The following CCDC178 variants were observed in gnomAD, a reference collection of about 807,000 sequenced individuals.
The protein encoded by CCDC178 is coiled-coil domain containing 178.
In CCDC178, 126 loss-of-function variants were observed where a neutral mutation model predicts 117.4. That is an observed-to-expected ratio of 1.07 (90% CI 0.93 to 1.24). CCDC178 has a LOEUF of 1.24. CCDC178 is among the 50% of genes most tolerant of loss of function. The pLI is 0.00. For synonymous variants in CCDC178, 283 were observed against 313.4 expected, an observed-to-expected ratio of 0.90 and a Z score of 1.02; for missense variants, 1,030 against 986.9, an observed-to-expected ratio of 1.04 and a Z score of -0.59.
At chr18:33,198,158 G>T (rs1355037449) in intron 20 of CCDC178, among the ~76,000 whole-genome samples, 1 of 152,102 alleles carries the variant, frequency 6.6e-6, no homozygotes, top group Non-Finnish European at 1.5e-5. Context: ...GAGCATCAGG[G>T]CCACATTCAA....
At chr18:33,356,184 A>G in intron 7 of CCDC178, 140 bp downstream of exon 7, 1 of 831,664 alleles carries the variant, frequency 1.2e-6, no homozygotes, top group Non-Finnish European at 1.7e-6. Context: ...TTATATTTTA[A>G]AAAATATATT....
At chr18:33,183,908 G>C (rs552833289) in intron 20 of CCDC178, among the ~76,000 whole-genome samples, 1 of 152,164 alleles carries the variant, frequency 6.6e-6, no homozygotes, top group African/African-American at 2.4e-5. Context: ...ATTATCTGGG[G>C]AGATTCACAT....
At chr18:33,292,674 G>A (rs1470444769) in intron 12 of CCDC178, among the ~76,000 whole-genome samples, 1 of 151,932 alleles carries the variant, frequency 6.6e-6, no homozygotes, top group African/African-American at 2.4e-5. Flanking sequence ...TATTACACTA[G>A]ACCCCTTATA....
chr18:33,324,580 C>T lies in CCDC178; in HGVS notation c.880-947G>A, dbSNP rs140687385. ...GCCTATGTTCCAAAACTCTTTCCAGCATTTTATACTACTTTTTCCTAATAA... is the reference window on the plus strand; with the variant it reads ...GCCTATGTTCCAAAACTCTTTCCAGTATTTTATACTACTTTTTCCTAATAA... On this transcript the variant is annotated intron_variant, in intron 10 of 22. Transcript: ENST00000383096. Among the ~76,000 whole-genome samples, 168 of 152,008 alleles carry T rather than the reference C, an allele frequency of 1.1e-3. 1 individual carries two copies. The highest frequency in any genetic ancestry group is 3.8e-3 in the African/African-American group (159 of 41,526).
rs376362373 is a variant in CCDC178, at chr18:33,266,949, T to C, written c.1376A>G (p.Asp459Gly). ...GGTTTTTACTGTTATTTTGTTAATATCAATCTCAAGTTTTTTATTGTCTTC... is the reference window on the plus strand; with the variant it reads ...GGTTTTTACTGTTATTTTGTTAATACCAATCTCAAGTTTTTTATTGTCTTC... ...LTEDNKKLEI[D>G]INKITVKTNE... The change falls in exon 14 of 23, where the codon GAT becomes GGT. Residue 459 changes from aspartate to glycine, a missense_variant. Coordinates refer to ENST00000383096, the MANE Select transcript of CCDC178 (RefSeq NM_001105528.4). 66 of 1,587,426 alleles carry C rather than the reference T, an allele frequency of 4.2e-5. No individual in the cohort carries two copies. The African/African-American group carries it at 7.7e-4, about 18-fold the overall frequency.
intron 20 of CCDC178, among the ~76,000 whole-genome samples, chr18:33,139,031 T>C (rs1908944): frequency 0.061 from 9,212 of 151,892 alleles, 448 homozygotes; most frequent in African/African-American, 0.13. Context: ...TGGGAGGTAA[T>C]TGAATTATGG....
At chr18:33,148,054 T>G (rs2058292915) in intron 20 of CCDC178, among the ~76,000 whole-genome samples, 1 of 151,994 alleles carries the variant, frequency 6.6e-6, no homozygotes, top group African/African-American at 2.4e-5. Context: ...TCTCGGCACT[T>G]TGGGAGGCCA....
rs145861148 is a variant in CCDC178 at position 33,285,047 on chromosome 18, A to C, written c.1176+8112T>G. 9.3e-3 allele frequency among the ~76,000 whole-genome samples: 1,410 copies of C among 152,262 alleles called. 24 individuals carry two copies. The highest frequency in any genetic ancestry group is 0.032 in the African/African-American group (1,318 of 41,562). On this transcript the variant is annotated intron_variant, in intron 12 of 22. Coordinates refer to ENST00000383096, the MANE Select transcript of CCDC178 (RefSeq NM_001105528.4). ...TGTAACCATAAAAGTACATATTAAC[A>C]CATTAAAAGTTTGAAAATTCTAAAA...
intron 21 of CCDC178, among the ~76,000 whole-genome samples, chr18:32,991,830 C>T (rs913994275): frequency 1.3e-5 from 2 of 152,168 alleles, no homozygotes; most frequent in African/African-American, 4.8e-5. Flanking sequence ...ATTTCTATTT[C>T]ATATTTTAAT....
At chr18:33,433,010 CATT>C (rs2064242245) in intron 2 of CCDC178, among the ~76,000 whole-genome samples, 1 of 152,146 alleles carries the variant, frequency 6.6e-6, no homozygotes, top group South Asian at 2.1e-4. Flanking sequence ...TGTTTGTTAA[CATT>C]AGTTTAGAAA....
chr18:33,390,103 G>A (rs994385494), intron 4 of CCDC178, among the ~76,000 whole-genome samples: 1 of 149,944 alleles, frequency 6.7e-6, no homozygotes, highest in Non-Finnish European at 1.5e-5. Flanking sequence ...TATAAGTTAT[G>A]TATGATTTAT....
chr18:33,285,973 G>GT (rs1384208680), intron 12 of CCDC178, among the ~76,000 whole-genome samples: 1 of 62,714 alleles, frequency 1.6e-5, no homozygotes, highest in African/African-American at 4.9e-5. Context: ...TTAGCAATGT[G>GT]TATTTTTTTT....
intron 21 of CCDC178, among the ~76,000 whole-genome samples, chr18:33,041,248 T>C (rs997395398): frequency 1.4e-4 from 22 of 151,752 alleles, no homozygotes; most frequent in Non-Finnish European, 3.1e-4. Context: ...GACAGATAAA[T>C]TCAAACTTCT....
chr18:33,306,412 TTGTGTGTGTG>T (rs71159815), intron 11 of CCDC178, among the ~76,000 whole-genome samples: 11 of 126,222 alleles, frequency 8.7e-5, no homozygotes, highest in African/African-American at 1.2e-4. Flanking sequence ...TATTGGATCT[TTGTGTGTGTG>T]TGTGTGTGTG....
chr18:33,164,865 C>A (rs2144397569), intron 20 of CCDC178, among the ~76,000 whole-genome samples: 1 of 152,254 alleles, frequency 6.6e-6, no homozygotes, highest in East Asian at 1.9e-4. Context: ...ATATTATTTA[C>A]AGTTTGGACT....
At position 33,096,752 on chromosome 18, in the gene CCDC178, G is replaced by C. The variant is rs185747080; in HGVS notation, c.2239-3842C>G. Among the ~76,000 whole-genome samples the C allele has an allele frequency of 1.3e-3, 193 of 152,132 alleles. 1 individual carries two copies. Among genetic ancestry groups the C allele is most frequent in the African/African-American group, 4.3e-3 (179 of 41,534 alleles). ...CAAAGCCTCAACCGTCTCAGTTCTGGAAACCATTCCACTTCCACTCTAGTA... is the reference window on the plus strand; with the variant it reads ...CAAAGCCTCAACCGTCTCAGTTCTGCAAACCATTCCACTTCCACTCTAGTA... On this transcript the variant is annotated intron_variant, in intron 20 of 22. Coordinates refer to ENST00000383096, the MANE Select transcript of CCDC178 (RefSeq NM_001105528.4).
intron 22 of CCDC178, 91 bp from the exon 23 acceptor site, chr18:32,938,182 TATC>T: frequency 2.3e-6 from 2 of 861,532 alleles, no homozygotes; most frequent in Non-Finnish European, 3.8e-6. Context: ...ATGGAAAACT[TATC>T]AACAATAAAA....
chr18:33,237,386 C>T (rs189060929), intron 15 of CCDC178, among the ~76,000 whole-genome samples: 182 of 152,238 alleles, frequency 1.2e-3, no homozygotes, highest in African/African-American at 3.8e-3. Context: ...AGAAAAGGTC[C>T]CCGAGCCAAT....
chr18:33,187,123 G>A (rs1320403907), intron 20 of CCDC178, among the ~76,000 whole-genome samples: 1 of 151,384 alleles, frequency 6.6e-6, no homozygotes, highest in African/African-American at 2.4e-5. Context: ...GAGACTGAGA[G>A]AGAGAACTGC....
Sources: gnomAD v4.1 joint callset for allele counts (sites outside exome capture counted in the v4.1 genomes callset) on GRCh38, gnomAD v4.1.1 for gene constraint, MANE v1.5 for transcripts, NCBI Gene and HGNC (gene_info 2026-07-23, HGNC 2026-07-21) for gene names.